RIC8A: variants seen among roughly 807,000 people sequenced by gnomAD.
The protein encoded by RIC8A is chaperone Ric-8A.
A neutral mutation model predicts 48.4 loss-of-function variants in RIC8A; 37 were observed. The observed-to-expected ratio is 0.77, with a 90% confidence interval of 0.59 to 1.01. RIC8A has a LOEUF of 1.01. RIC8A is among the 50% of genes least tolerant of loss of function. The pLI, the probability that RIC8A is intolerant of heterozygous loss-of-function variation, is 0.00. For missense variants in RIC8A, 681 were observed against 696.8 expected, an observed-to-expected ratio of 0.98 and a Z score of 0.25; for synonymous variants, 288 against 283.4, an observed-to-expected ratio of 1.02 and a Z score of -0.16.
chr11:213,465 C>A, intron 9 of RIC8A, 47 bp downstream of exon 9: 1 of 1,550,550 alleles, frequency 6.4e-7, no homozygotes, highest in Non-Finnish European at 8.7e-7. Context: ...GAAGGGAGAG[C>A]TGACCCACAT....
rs772727233 is a variant in RIC8A, at chr11:214,268, G to A, written c.1514G>A (p.Gly505Asp). The A allele has an allele frequency of 6.2e-7, 1 of 1,613,820 alleles. No homozygotes were observed. Among genetic ancestry groups the A allele is most frequent in the Non-Finnish European group, 8.5e-7 (1 of 1,179,922 alleles). The change falls in exon 10 of 10, where the codon GGT becomes GAT. Residue 505 changes from glycine (G) to aspartate (D), a missense_variant. Coordinates refer to ENST00000526104, the MANE Select transcript of RIC8A (RefSeq NM_001286134.2). Reference sequence around the variant, plus strand: ...CAGCCAATGGGGATGAGTCCCCGGGGTCATCTTACGTCCCTGCAGGATGCC... The same window carrying A: ...CAGCCAATGGGGATGAGTCCCCGGGATCATCTTACGTCCCTGCAGGATGCC... The part of the protein sequence containing the change: ...VIQPMGMSPR[G>D]HLTSLQDAMC...
Position 209,716 on chromosome 11 carries a change from G to C in RIC8A, c.442G>C (p.Val148Leu). The C allele has an allele frequency of 6.2e-7, 1 of 1,614,052 alleles. No individual in the cohort carries two copies. The highest frequency in any genetic ancestry group is 8.5e-7 in the Non-Finnish European group (1 of 1,180,026). The change falls in exon 3 of 10, where the codon GTG (valine) becomes CTG (leucine). Residue 148 changes from valine (V) to leucine (L), a missense_variant. Coordinates refer to ENST00000526104, the MANE Select transcript of RIC8A (RefSeq NM_001286134.2). ...CCTAGTGGTGAAGCTCACAGAGCGTGTGGGGCTGTACCGTGAGAGGAGCTT... is the reference window on the plus strand; with the variant it reads ...CCTAGTGGTGAAGCTCACAGAGCGTCTGGGGCTGTACCGTGAGAGGAGCTT... ...ARLVVKLTER[V>L]GLYRERSFPH...
Position 214,497 on chromosome 11 carries a change from C to A in RIC8A, c.*147C>A, listed in dbSNP as rs939768209. On this transcript the variant is annotated 3_prime_UTR_variant, in exon 10 of 10. Transcript: ENST00000526104. ...GAAACCCCTTCTCTTGACTCCCGTTCTGTTCATGATTTGCCTCTGGTCCAG... is the reference window on the plus strand; with the variant it reads ...GAAACCCCTTCTCTTGACTCCCGTTATGTTCATGATTTGCCTCTGGTCCAG... The A allele has an allele frequency of 2.0e-5, 20 of 981,700 alleles. No individual in the cohort carries two copies. The highest frequency in any genetic ancestry group is 3.0e-5 in the Non-Finnish European group (19 of 640,316). 60.8% of individuals were successfully genotyped at this position (981,700 alleles called of 1,614,324 possible).
chr11:214,149 AG>A (rs1855463364), intron 9 of RIC8A, 80 bp from the exon 10 acceptor site: 1 of 1,496,820 alleles, frequency 6.7e-7, no homozygotes, highest in African/African-American at 1.4e-5. Context: ...GTAGAGAGGA[AG>A]GTAGCAGCCA....
At chr11:210,724 C>T in intron 4 of RIC8A, 62 bp downstream of exon 4, 1 of 1,518,896 alleles carries the variant, frequency 6.6e-7, no homozygotes, top group Non-Finnish European at 9.1e-7. Flanking sequence ...TCGTCCTCAA[C>T]CCCGGCTCTG....
At position 211,397 on chromosome 11, in the gene RIC8A, G is replaced by A. The variant is rs373340017; in HGVS notation, c.969+48G>A. 1.3e-6 allele frequency: 2 copies of A among 1,588,204 alleles called. No individual in the cohort carries two copies. Among genetic ancestry groups the A allele is most frequent in the Admixed American group, 3.4e-5 (2 of 58,800 alleles). ...GGCTCCCCCAGTGGCTCTGGCACTG[G>A]TTCTCCTGCACAGATGTGGTCAGTG... On this transcript the variant is annotated intron_variant, in intron 5 of 9. Transcript: ENST00000526104. The surrounding 1 kb of genome is among the most constrained non-coding windows in gnomAD (Gnocchi z 4.0).
Position 214,335 on chromosome 11 carries a change from C to A in RIC8A, c.1581C>A (p.Asp527Glu). ...TMEQQLSSDPDSDPD is the reference protein window; with the variant it reads ...TMEQQLSSDPESDPD Reference sequence around the variant, plus strand: ...AGCAGCAGCTCTCCTCGGACCCTGACTCGGACCCTGACTGAGGATGGCAGC... The same window carrying A: ...AGCAGCAGCTCTCCTCGGACCCTGAATCGGACCCTGACTGAGGATGGCAGC... Residue 527 changes from aspartate to glutamate, a missense_variant, in exon 10 of 10, where the codon GAC becomes GAA. Physicochemically the swap from Asp to Glu is conservative, Grantham distance 45 (BLOSUM62 2). Transcript: ENST00000526104. 1.2e-6 allele frequency: 2 copies of A among 1,604,358 alleles called. No individual in the cohort carries two copies. Among genetic ancestry groups the A allele is most frequent in the Non-Finnish European group, 1.7e-6 (2 of 1,175,438 alleles).
chr11:212,569 C>T, intron 6 of RIC8A, 46 bp from the exon 7 acceptor site: 1 of 1,613,060 alleles, frequency 6.2e-7, no homozygotes, highest in Non-Finnish European at 8.5e-7. Flanking sequence ...TGATCACAGA[C>T]CCTTGGCTGC....
In RIC8A at chr11:208,793, G is replaced by A. The variant is rs1022704379; in HGVS notation, c.-62G>A. 5.6e-6 allele frequency: 8 copies of A among 1,429,378 alleles called. No homozygotes were observed. In the African/African-American group the frequency reaches 1.2e-4, roughly 21 times the overall value. The allele number at this position is 1,429,378 out of a possible 1,614,324, so 88.5% of individuals were successfully genotyped here. The stretch of plus-strand genomic sequence containing the variant: ...CGCGGGGCTTTCTGGGCCAGGGCGG[G>A]GCCGGCGAACTGCGGCCCGGAACGG... On this transcript the variant is annotated 5_prime_UTR_variant, in exon 1 of 10. Coordinates refer to ENST00000526104, the MANE Select transcript of RIC8A (RefSeq NM_001286134.2). The surrounding 1 kb of genome is among the most constrained non-coding windows in gnomAD (Gnocchi z 4.8).
chr11:213,627 A>G (rs370425663), intron 9 of RIC8A: 10 of 571,658 alleles, frequency 1.7e-5, no homozygotes, highest in Admixed American at 9.9e-5. Context: ...TTTACAGATG[A>G]TAACTGAGGC....
At chr11:214,186 C>T in intron 9 of RIC8A, 44 bp from the exon 10 acceptor site, 2 of 1,599,162 alleles carry the variant, frequency 1.3e-6, no homozygotes, top group Non-Finnish European at 1.7e-6. Context: ...CCTGCCTGGC[C>T]AACTGGGCCC....
At position 208,261 on chromosome 11, in the gene RIC8A, A is replaced by G. The variant is rs536043117; in HGVS notation, c.-594A>G. On this transcript the variant is annotated 5_prime_UTR_variant, in exon 1 of 10. Coordinates refer to ENST00000526104, the MANE Select transcript of RIC8A (RefSeq NM_001286134.2). The surrounding 1 kb of genome is among the most constrained non-coding windows in gnomAD (Gnocchi z 4.8). ...GTGTCAGCAAAAACAGCACTTCCTC[A>G]CAGCCCGTTGCAGCCCAGCAGTCGC... 6.6e-6 allele frequency: 1 copy of G among 152,410 alleles called. No homozygotes were observed. The highest frequency in any genetic ancestry group is 1.9e-4 in the East Asian group (1 of 5,178). 9.4% of individuals were successfully genotyped at this position (152,410 alleles called of 1,614,324 possible).
rs1461003577 is a variant in RIC8A at position 214,531 on chromosome 11, C to T, written c.*181C>T. 1.3e-6 allele frequency: 1 copy of T among 751,754 alleles called. No homozygotes were observed. The highest frequency in any genetic ancestry group is 2.0e-5 in the Admixed American group (1 of 49,288). The allele number at this position is 751,754 out of a possible 1,614,324, so 46.6% of individuals were successfully genotyped here. A position where few individuals can be genotyped will look rare whatever the true frequency, so the allele number is the denominator to read the frequency against. On this transcript the variant is annotated 3_prime_UTR_variant, in exon 10 of 10. Coordinates refer to ENST00000526104, the MANE Select transcript of RIC8A (RefSeq NM_001286134.2). ...ATTTGCCTCTGGTCCAGTTTCTCAT[C>T]TCTGGACTGCAACGGTCTTCTTGTG...
chr11:210,043 CCAA>C (rs1855311709), intron 3 of RIC8A, 43 bp downstream of exon 3: 1 of 1,489,456 alleles, frequency 6.7e-7, no homozygotes, highest in Admixed American at 1.9e-5. Flanking sequence ...CAACTCAGCT[CCAA>C]CATTTCCTGG....
chr11:208,925 C>T lies in RIC8A; in HGVS notation c.71C>T (p.Ser24Leu). The T allele has an allele frequency of 6.3e-7, 1 of 1,575,636 alleles. No homozygotes were observed. The highest frequency in any genetic ancestry group is 1.1e-5 in the South Asian group (1 of 89,972). Residue 24 changes from serine to leucine, a missense_variant, in exon 1 of 10, where the codon TCA (serine) becomes TTA (leucine). Ser to Leu is a moderately radical substitution (Grantham distance 145). Coordinates refer to ENST00000526104, the MANE Select transcript of RIC8A (RefSeq NM_001286134.2). This position sits in a 1 kb window ranked among gnomAD's most constrained non-coding sequence, Gnocchi z 4.8. The part of the protein sequence containing the change: ...EEDVIMEALR[S>L]YNQEHSQSFT... ...GATGTGATTATGGAAGCTCTGCGGT[C>T]ATACAACCAGGAGGTAAGCGGCCGC...
chr11:212,635 T>G lies in RIC8A; in HGVS notation c.1086T>G (p.Asp362Glu). Residue 362 changes from aspartate (D) to glutamate (E), a missense_variant, in exon 7 of 10, where the codon GAT becomes GAG. Asp to Glu is a conservative substitution (Grantham distance 45). Transcript: ENST00000526104. ...CCCAGGTGCTGCCCCCTCTGCGGGA[T>G]GTGAGGACACGGCCTGAGGTTGGGG... The part of the protein sequence containing the change: ...LKAQVLPPLR[D>E]VRTRPEVGEM... The G allele has an allele frequency of 6.2e-7, 1 of 1,614,072 alleles. No homozygotes were observed. The highest frequency in any genetic ancestry group is 8.5e-7 in the Non-Finnish European group (1 of 1,179,990).
intron 6 of RIC8A, 31 bp downstream of exon 6, chr11:212,542 G>A (rs755942106): frequency 1.2e-6 from 2 of 1,612,894 alleles, no homozygotes; most frequent in Admixed American, 3.3e-5. Flanking sequence ...TGCTCCTGGG[G>A]GATGTGGTTT....
At position 214,755 on chromosome 11, in the gene RIC8A, G is replaced by A. The variant is rs758233501; in HGVS notation, c.*405G>A. The stretch of plus-strand genomic sequence containing the variant: ...GGATTGGCACACTGGCAGAGCCAGT[G>A]TGTTGGGGTATGTGCTGCACTTCCC... On this transcript the variant is annotated 3_prime_UTR_variant, in exon 10 of 10. Transcript: ENST00000526104. 1.4e-5 allele frequency: 5 copies of A among 357,526 alleles called. No individual in the cohort carries two copies. In the Admixed American group the frequency reaches 1.5e-4, roughly 11 times the overall value. The allele number at this position is 357,526 out of a possible 1,614,324, so 22.1% of individuals were successfully genotyped here. A position where few individuals can be genotyped will look rare whatever the true frequency, so the allele number is the denominator to read the frequency against.
rs552296306 is a variant in RIC8A, at chr11:211,611, G to A, written c.969+262G>A. Reference sequence around the variant, plus strand: ...TTGGGGATCTTTACTGAGTGGTCCAGAGAAGCCCCCCAGTCCCTACTTTTA... The same window carrying A: ...TTGGGGATCTTTACTGAGTGGTCCAAAGAAGCCCCCCAGTCCCTACTTTTA... On this transcript the variant is annotated intron_variant, in intron 5 of 9. Transcript: ENST00000526104. The surrounding 1 kb of genome is among the most constrained non-coding windows in gnomAD (Gnocchi z 4.0). The A allele has an allele frequency of 2.1e-5, 8 of 372,812 alleles. No individual in the cohort carries two copies. Among genetic ancestry groups the A allele is most frequent in the African/African-American group, 1.6e-4 (8 of 48,648 alleles). 23.1% of individuals were successfully genotyped at this position (372,812 alleles called of 1,614,324 possible).
Sources: gnomAD v4.1 joint callset for allele counts on GRCh38, gnomAD v4.1.1 for gene constraint, Gnocchi (gnomAD v3.1) non-coding constraint, MANE v1.5 for transcripts, NCBI Gene and HGNC (gene_info 2026-07-23, HGNC 2026-07-21) for gene names.